Variants in C1S observed in about 807,000 individuals in gnomAD.
The protein encoded by C1S is complement C1s subcomponent.
In C1S, 31 loss-of-function variants were observed where a neutral mutation model predicts 54.0. That is an observed-to-expected ratio of 0.57 (90% CI 0.43 to 0.78). C1S has a LOEUF of 0.78. Ranked by LOEUF, C1S falls within the 30% of genes least tolerant of loss-of-function variation. The pLI is 0.00. For synonymous variants in C1S, 292 were observed against 303.6 expected (o/e 0.96, Z 0.40); for missense variants, 727 against 851.8 (o/e 0.85, Z 1.82).
At chr12:7,069,777 T>C in intron 11 of C1S, 78 bp from the exon 12 acceptor site, 1 of 1,222,208 alleles carries the variant, frequency 8.2e-7, no homozygotes, top group Non-Finnish European at 1.2e-6. Flanking sequence ...CAGGTAACAT[T>C]ATGTGAGTGG....
At position 7,070,101 on chromosome 12, in the gene C1S, A is replaced by T; in HGVS notation, c.1517A>T (p.Glu506Val). The T allele has an allele frequency of 1.9e-6, 3 of 1,614,120 alleles. 1 individual carries two copies. The South Asian group carries it at 3.3e-5, about 18-fold the overall frequency. Reference sequence around the variant, plus strand: ...GCAAAATCCAAGATGCTCACTCCTGAGCATGTGTTTATTCATCCGGGATGG... The same window carrying T: ...GCAAAATCCAAGATGCTCACTCCTGTGCATGTGTTTATTCATCCGGGATGG... Reference protein sequence around the residue: ...RLAKSKMLTPEHVFIHPGWKL... With the variant: ...RLAKSKMLTPVHVFIHPGWKL... Residue 506 changes from glutamate (E) to valine (V), a missense_variant, in exon 12 of 12, where the codon GAG becomes GTG. Transcript: ENST00000360817. This position sits in a 1 kb window ranked among gnomAD's most constrained non-coding sequence, Gnocchi z 4.9.
chr12:7,066,380 C>A (rs1937657216), intron 7 of C1S, 138 bp from the exon 8 acceptor site: 5 of 708,560 alleles, frequency 7.1e-6, no homozygotes, highest in Non-Finnish European at 1.3e-5. Flanking sequence ...TTTTAGACAT[C>A]TGCTGTATTG....
intron 11 of C1S, 28 bp downstream of exon 11, chr12:7,068,558 A>G: frequency 6.6e-7 from 1 of 1,514,406 alleles, no homozygotes; most frequent in Non-Finnish European, 9.2e-7. Context: ...TTGGGGAGAG[A>G]TGATAGCCAT....
Position 7,069,840 on chromosome 12 carries a change from T to G in C1S, c.1271-15T>G, listed in dbSNP as rs1555162884. On this transcript the variant is annotated splice_polypyrimidine_tract_variant and intron_variant, in intron 11 of 11. Coordinates refer to ENST00000360817, the MANE Select transcript of C1S (RefSeq NM_001734.5). Reference sequence around the variant, plus strand: ...ATTTCTTCCTCCTTCCCTGTGTTGTTTTATTCCTTCCTAGTCTGTGGAGTC... The same window carrying G: ...ATTTCTTCCTCCTTCCCTGTGTTGTGTTATTCCTTCCTAGTCTGTGGAGTC... The G allele has an allele frequency of 6.2e-7, 1 of 1,608,176 alleles. No individual in the cohort carries two copies. The highest frequency in any genetic ancestry group is 1.1e-5 in the South Asian group (1 of 90,958).
chr12:7,061,856 T>C lies in C1S; in HGVS notation c.-57T>C. ...CCCCTTAGGCTCCAAAGTCCGGAGG[T>C]GCAGAAAGCCAGGACCAAGAGACAG... On this transcript the variant is annotated 5_prime_UTR_variant, in exon 2 of 12. Coordinates refer to ENST00000360817, the MANE Select transcript of C1S (RefSeq NM_001734.5). The C allele has an allele frequency of 1.2e-6, 2 of 1,610,732 alleles. No individual in the cohort carries two copies. Among genetic ancestry groups the C allele is most frequent in the South Asian group, 2.2e-5 (2 of 90,966 alleles).
rs374863140 is a variant in C1S at position 7,064,035 on chromosome 12, T to TACACACACACACACACACACACACAC, written c.392-220_392-219insACACACACACACACACACACACACAC. On this transcript the variant is annotated intron_variant, in intron 4 of 11. Coordinates refer to ENST00000360817, the MANE Select transcript of C1S (RefSeq NM_001734.5). Reference sequence around the variant, plus strand: ...GGTGACAGAGTGAGGCTATGTCACTTACACACACACACCCCCGAGCTTCCT... The same window carrying TACACACACACACACACACACACACAC: ...GGTGACAGAGTGAGGCTATGTCACTTACACACACACACACACACACACACACACACACACACACCCCCGAGCTTCCT... 2.3e-4 allele frequency: 130 copies of TACACACACACACACACACACACACAC among 565,568 alleles called. 2 individuals carry two copies. The African/African-American group carries it at 2.4e-3, about 10-fold the overall frequency. 35.0% of individuals were successfully genotyped at this position (565,568 alleles called of 1,614,324 possible).
At chr12:7,064,227 G>T in intron 4 of C1S, 40 bp from the exon 5 acceptor site, 1 of 1,611,838 alleles carries the variant, frequency 6.2e-7, no homozygotes, top group Non-Finnish European at 8.5e-7. Flanking sequence ...TCCCTTCTTG[G>T]TGTTTGTTCT....
In C1S at chr12:7,062,652, G is replaced by C; in HGVS notation, c.183G>C (p.Leu61=). ...HLYFTHLDIE[L]SENCAYDSVQ... ...ACTTCACCCATCTGGACATTGAGCT[G>C]TCAGAGAACTGTGCGTATGACTCAG... Residue 61 remains leucine (L), a synonymous_variant, in exon 3 of 12, where the codon CTG becomes CTC. Transcript: ENST00000360817. The C allele has an allele frequency of 6.2e-7, 1 of 1,614,116 alleles. No homozygotes were observed. Among genetic ancestry groups the C allele is most frequent in the South Asian group, 1.1e-5 (1 of 91,078 alleles).
At chr12:7,064,416 G>T in intron 5 of C1S, 24 bp downstream of exon 5, 1 of 1,613,886 alleles carries the variant, frequency 6.2e-7, no homozygotes, top group Non-Finnish European at 8.5e-7. Context: ...TAAGAGGGTT[G>T]CATGTTCCCT....
chr12:7,062,503 T>C lies in C1S; in HGVS notation c.34T>C (p.Trp12Arg), dbSNP rs1591575004. ...CATTGTCCTGTTTTCACTTTTGGCA[T>C]GGGTTTATGCTGAGCCTACCATGTA... Reference protein sequence around the residue: ...WCIVLFSLLAWVYAEPTMYGE... With the variant: ...WCIVLFSLLARVYAEPTMYGE... The change falls in exon 3 of 12, where the codon TGG becomes CGG. Residue 12 changes from tryptophan (W) to arginine (R), a missense_variant. By Grantham distance (101) the Trp-to-Arg change is moderately radical. Transcript: ENST00000360817. The C allele has an allele frequency of 1.2e-6, 2 of 1,613,524 alleles. No homozygotes were observed. Among genetic ancestry groups the C allele is most frequent in the Non-Finnish European group, 1.7e-6 (2 of 1,180,014 alleles).
At chr12:7,067,958 G>T (rs1321021871) in intron 10 of C1S, among the ~76,000 whole-genome samples, 187 bp downstream of exon 10, 2 of 152,212 alleles carry the variant, frequency 1.3e-5, no homozygotes, top group African/African-American at 2.4e-5. Flanking sequence ...GGGAGCATCA[G>T]CCTCAGGGAA....
chr12:7,063,813 C>G, intron 4 of C1S: 1 of 357,854 alleles, frequency 2.8e-6, no homozygotes, highest in Non-Finnish European at 5.5e-6. Flanking sequence ...TTACCGGAGC[C>G]CAGGAGTTCA....
intron 4 of C1S, chr12:7,063,805 AC>A (rs1466826495): frequency 5.6e-6 from 2 of 355,892 alleles, no homozygotes; most frequent in Admixed American, 3.7e-5. Flanking sequence ...CAGGTGGATT[AC>A]CGGAGCCCAG....
In C1S at chr12:7,067,637, T is replaced by C. The variant is rs782764485; in HGVS notation, c.1067-6T>C. 3 of 1,613,942 alleles carry C rather than the reference T, an allele frequency of 1.9e-6. No homozygotes were observed. The highest frequency in any genetic ancestry group is 2.5e-6 in the Non-Finnish European group (3 of 1,179,974). On this transcript the variant is annotated splice_region_variant and splice_polypyrimidine_tract_variant and intron_variant, in intron 9 of 11. Coordinates refer to ENST00000360817, the MANE Select transcript of C1S (RefSeq NM_001734.5). ...TGACCATCGCTCTCCTTCCTTCGTCTGGTAGCTGTGGACTGTGGCATTCCT... is the reference window on the plus strand; with the variant it reads ...TGACCATCGCTCTCCTTCCTTCGTCCGGTAGCTGTGGACTGTGGCATTCCT...
chr12:7,062,359 A>T, intron 2 of C1S, 116 bp from the exon 3 acceptor site: 1 of 778,806 alleles, frequency 1.3e-6, no homozygotes, highest in Non-Finnish European at 2.2e-6. Context: ...ATTCTCCCCC[A>T]TGGCCGATTG....
Position 7,067,024 on chromosome 12 carries a change from TTTA to T in C1S, c.988-9_988-7del. 6.3e-7 allele frequency: 1 copy of T among 1,591,086 alleles called. No homozygotes were observed. The highest frequency in any genetic ancestry group is 1.3e-5 in the African/African-American group (1 of 74,634). On this transcript the variant is annotated splice_polypyrimidine_tract_variant and intron_variant, in intron 8 of 11. Transcript: ENST00000360817. ...CTCTCTTCAGAAATAAGTGGTGATG[TTTA>T]TTATTCTCCAGGGACGTGTTGGTGC...
chr12:7,067,845 A>G (rs1937717612), intron 10 of C1S, 74 bp downstream of exon 10: 26 of 1,476,842 alleles, frequency 1.8e-5, no homozygotes, highest in Non-Finnish European at 2.3e-5. Flanking sequence ...AATCTGTGCC[A>G]GAGACAGAGT....
At position 7,068,498 on chromosome 12, in the gene C1S, T is replaced by G. The variant is rs1555162675; in HGVS notation, c.1238T>G (p.Val413Gly). 6.2e-7 allele frequency: 1 copy of G among 1,613,718 alleles called. No individual in the cohort carries two copies. The highest frequency in any genetic ancestry group is 8.5e-7 in the Non-Finnish European group (1 of 1,179,866). ...GGTAACGGGAGCTGGGTGAATGAGG[T>G]GCTGGGCCCGGAGCTGCCGAAATGT... ...CAGNGSWVNEVLGPELPKCVP... is the reference protein window; with the variant it reads ...CAGNGSWVNEGLGPELPKCVP... Residue 413 changes from valine to glycine, a missense_variant, in exon 11 of 12, where the codon GTG (valine) becomes GGG (glycine). Physicochemically the swap from Val to Gly is moderately radical, Grantham distance 109. Around this residue, in one of 3 missense-constraint regions of C1S, gnomAD observed 360 missense variants for 453.6 expected, o/e 0.79. Coordinates refer to ENST00000360817, the MANE Select transcript of C1S (RefSeq NM_001734.5).
Position 7,065,802 on chromosome 12 carries a change from C to A in C1S, c.718-15C>A. ...TTTAGTTCTTTCCCTCTTCTGATTT[C>A]ATCATTTTGTTCAGTTTGTTGCAGG... On this transcript the variant is annotated splice_polypyrimidine_tract_variant and intron_variant, in intron 6 of 11. Transcript: ENST00000360817. 1.9e-6 allele frequency: 3 copies of A among 1,612,578 alleles called. No homozygotes were observed. Among genetic ancestry groups the A allele is most frequent in the Non-Finnish European group, 2.5e-6 (3 of 1,178,644 alleles).
Sources: allele counts gnomAD v4.1 joint callset (sites outside exome capture counted in the v4.1 genomes callset), GRCh38; gene constraint gnomAD v4.1.1; regional missense constraint gnomAD v4.1.1; non-coding constraint Gnocchi (gnomAD v3.1); transcripts MANE v1.5; gene names NCBI Gene and HGNC (gene_info 2026-07-23, HGNC 2026-07-21).